Variants in PLCL1 observed in about 807,000 individuals in gnomAD.
PLCL1 encodes the protein phospholipase C like 1 (inactive).
A neutral mutation model predicts 84.4 loss-of-function variants in PLCL1; 41 were observed. That is an observed-to-expected ratio of 0.49 (90% CI 0.38 to 0.63). PLCL1 has a LOEUF of 0.63. Ranked by LOEUF, PLCL1 falls within the 30% of genes least tolerant of loss-of-function variation. PLCL1 has a pLI of 0.00. For missense variants in PLCL1, 1,206 were observed against 1,367.8 expected, an observed-to-expected ratio of 0.88 and a Z score of 1.87; for synonymous variants, 490 against 488.3, an observed-to-expected ratio of 1.00 and a Z score of -0.05.
chr2:198,122,590 C>T (rs560968040), intron 5 of PLCL1, among the ~76,000 whole-genome samples: 1 of 152,194 alleles, frequency 6.6e-6, no homozygotes, highest in South Asian at 2.1e-4. Context: ...ATAATCCTCT[C>T]ATCTTGAGAT....
At chr2:197,957,204 G>A (rs1038113628) in intron 1 of PLCL1, among the ~76,000 whole-genome samples, 1 of 151,952 alleles carries the variant, frequency 6.6e-6, no homozygotes, top group Admixed American at 6.6e-5. Flanking sequence ...CTCTGCTAGA[G>A]TACTGAAACT....
intron 1 of PLCL1, among the ~76,000 whole-genome samples, chr2:197,840,905 G>A (rs1686986962): frequency 6.6e-6 from 1 of 152,178 alleles, no homozygotes; most frequent in Non-Finnish European, 1.5e-5. Flanking sequence ...GGAAAAAGCT[G>A]CTACCTATGA....
At chr2:197,974,812 C>T (rs1459676261) in intron 1 of PLCL1, among the ~76,000 whole-genome samples, 1 of 152,216 alleles carries the variant, frequency 6.6e-6, no homozygotes, top group Admixed American at 6.5e-5. Context: ...GCTGTTTGCC[C>T]TGACAGGCCT....
At chr2:198,142,752 C>T (rs558212465) in intron 5 of PLCL1, among the ~76,000 whole-genome samples, 34 of 151,890 alleles carry the variant, frequency 2.2e-4, no homozygotes, top group South Asian at 8.3e-4. Context: ...CTACCTGAGG[C>T]GCTCTCTATT....
At chr2:197,994,296 C>A (rs1486945815) in intron 1 of PLCL1, among the ~76,000 whole-genome samples, 1 of 152,156 alleles carries the variant, frequency 6.6e-6, no homozygotes, top group East Asian at 1.9e-4. Flanking sequence ...AGTCCTTTCA[C>A]ACCTCACTGT....
intron 1 of PLCL1, among the ~76,000 whole-genome samples, chr2:197,877,082 G>C (rs1487461955): frequency 6.6e-6 from 1 of 152,054 alleles, no homozygotes; most frequent in Non-Finnish European, 1.5e-5. Flanking sequence ...CCAAATTTCA[G>C]CAAAGAAATT....
At chr2:197,948,529 C>G (rs1230705914) in intron 1 of PLCL1, among the ~76,000 whole-genome samples, 1 of 151,150 alleles carries the variant, frequency 6.6e-6, no homozygotes, top group Admixed American at 6.6e-5. Context: ...TTTGTTTTCA[C>G]TCACTACCAC....
intron 1 of PLCL1, among the ~76,000 whole-genome samples, chr2:197,855,147 A>G (rs369392446): frequency 1.3e-5 from 2 of 152,304 alleles, no homozygotes; most frequent in East Asian, 3.9e-4. Flanking sequence ...GAATTTTGTT[A>G]AACTGAGAGG....
At chr2:198,048,826 GC>G (rs1691865349) in intron 1 of PLCL1, among the ~76,000 whole-genome samples, 2 of 152,166 alleles carry the variant, frequency 1.3e-5, no homozygotes, top group Non-Finnish European at 2.9e-5. Flanking sequence ...CCTCCTAGCG[GC>G]CCCACCTCCC....
chr2:198,057,864 T>C (rs1692105616), intron 1 of PLCL1, among the ~76,000 whole-genome samples: 1 of 152,228 alleles, frequency 6.6e-6, no homozygotes, highest in Non-Finnish European at 1.5e-5. Context: ...TATAGTTTCC[T>C]AAAACTGCAG....
intron 1 of PLCL1, among the ~76,000 whole-genome samples, chr2:197,946,539 G>A (rs1251853114): frequency 6.6e-6 from 1 of 152,066 alleles, no homozygotes; most frequent in Non-Finnish European, 1.5e-5. Context: ...TTGGAAATGA[G>A]GGTGCTAGTG....
intron 1 of PLCL1, among the ~76,000 whole-genome samples, chr2:197,882,749 T>C (rs763356017): frequency 1.3e-5 from 2 of 152,328 alleles, no homozygotes; most frequent in East Asian, 1.9e-4. Context: ...AAAAGCAGCA[T>C]TATGTACAGT....
At chr2:197,868,336 A>G (rs1299630302) in intron 1 of PLCL1, among the ~76,000 whole-genome samples, 3 of 152,130 alleles carry the variant, frequency 2.0e-5, no homozygotes, top group East Asian at 1.9e-4. Flanking sequence ...GACAATCTCA[A>G]CTAGGTGGAA....
chr2:197,892,192 A>C (rs1688043152), intron 1 of PLCL1, among the ~76,000 whole-genome samples: 3 of 152,214 alleles, frequency 2.0e-5, no homozygotes, highest in African/African-American at 7.2e-5. Flanking sequence ...TTAAGTCTTA[A>C]GTGTTTTCAT....
chr2:197,887,486 C>T (rs1415223980), intron 1 of PLCL1, among the ~76,000 whole-genome samples: 74 of 152,126 alleles, frequency 4.9e-4, no homozygotes, highest in Non-Finnish European at 1.0e-4. Flanking sequence ...GTAAAATCGC[C>T]CTCAAAAAAC....
chr2:197,940,568 C>T (rs1426601742), intron 1 of PLCL1, among the ~76,000 whole-genome samples: 3 of 152,196 alleles, frequency 2.0e-5, no homozygotes, highest in Non-Finnish European at 4.4e-5. Flanking sequence ...CTGGCTGCTT[C>T]CCAGAATGCA....
At chr2:198,044,592 A>T (rs1381847914) in intron 1 of PLCL1, among the ~76,000 whole-genome samples, 1 of 152,204 alleles carries the variant, frequency 6.6e-6, no homozygotes, top group Non-Finnish European at 1.5e-5. Flanking sequence ...AACCAAAACC[A>T]TAGGGGTTTC....
rs550740634 is a variant in PLCL1 at position 198,094,222 on chromosome 2, C to T, written c.2919+5161C>T. Among the ~76,000 whole-genome samples the T allele has an allele frequency of 1.6e-4, 24 of 152,180 alleles. No individual in the cohort carries two copies. The South Asian group carries it at 4.8e-3, about 30-fold the overall frequency. On this transcript the variant is annotated intron_variant, in intron 3 of 5. Coordinates refer to ENST00000428675, the MANE Select transcript of PLCL1 (RefSeq NM_006226.4). ...GACAACAAACACCCACCACCATGCC[C>T]AGCTAATTTTTTGTATTTTTAGTAG...
intron 1 of PLCL1, among the ~76,000 whole-genome samples, chr2:197,987,684 C>A (rs982169807): frequency 6.6e-6 from 1 of 152,154 alleles, no homozygotes; most frequent in Admixed American, 6.5e-5. Flanking sequence ...ATTATCATTA[C>A]TGAAGAATAA....
Sources: gnomAD v4.1 joint callset for allele counts (sites outside exome capture counted in the v4.1 genomes callset) on GRCh38, gnomAD v4.1.1 for gene constraint, MANE v1.5 for transcripts, NCBI Gene and HGNC (gene_info 2026-07-23, HGNC 2026-07-21) for gene names.